The following VASH2 variants were observed in gnomAD, a reference collection of about 807,000 sequenced individuals.
The protein encoded by VASH2 is tubulinyl-Tyr carboxypeptidase 2.
In VASH2, 28 loss-of-function variants were observed where a neutral mutation model predicts 37.2. The observed-to-expected ratio is 0.75, with a 90% CI of 0.56 to 1.03. The LOEUF (loss-of-function observed/expected upper bound fraction) is 1.03. Among genes scored for constraint, VASH2 ranks in the 50% least tolerant of loss-of-function variants. The pLI is 0.00. For missense variants in VASH2, 419 were observed against 459.1 expected, an observed-to-expected ratio of 0.91 and a Z score of 0.80; for synonymous variants, 188 against 174.7, an observed-to-expected ratio of 1.08 and a Z score of -0.60.
intron 3 of VASH2, chr1:212,961,482 T>C (rs1350620801): frequency 1.3e-6 from 1 of 796,978 alleles, no homozygotes. Flanking sequence ...TCTGCTTCTC[T>C]TTCTCCCTCC....
intron 7 of VASH2, among the ~76,000 whole-genome samples, chr1:212,985,337 A>G (rs1366765123): frequency 2.0e-5 from 3 of 148,752 alleles, no homozygotes; most frequent in Non-Finnish European, 4.4e-5. Context: ...CAGCGCACCC[A>G]GCCATGATTC....
chr1:212,960,096 G>A (rs1253328237), intron 2 of VASH2, among the ~76,000 whole-genome samples: 1 of 152,218 alleles, frequency 6.6e-6, no homozygotes, highest in African/African-American at 2.4e-5. Flanking sequence ...TGGCTTTTCA[G>A]CAGCGACTTG....
chr1:212,963,249 A>G (rs1481828573), intron 3 of VASH2, among the ~76,000 whole-genome samples: 2 of 152,174 alleles, frequency 1.3e-5, no homozygotes, highest in African/African-American at 2.4e-5. Flanking sequence ...TGCGAAGGTC[A>G]ATGACCAACA....
At chr1:212,955,747 G>A (rs1207172603) in intron 2 of VASH2, among the ~76,000 whole-genome samples, 1 of 152,244 alleles carries the variant, frequency 6.6e-6, no homozygotes, top group Non-Finnish European at 1.5e-5. Flanking sequence ...AGCTTCACCT[G>A]AGTGAAGACA....
intron 7 of VASH2, among the ~76,000 whole-genome samples, chr1:212,976,013 T>C (rs1472108232): frequency 6.6e-6 from 1 of 152,152 alleles, no homozygotes; most frequent in Non-Finnish European, 1.5e-5. Context: ...AACGTGACCA[T>C]AAATGTGAGG....
At chr1:212,966,960 G>A in intron 5 of VASH2, 1 of 479,720 alleles carries the variant, frequency 2.1e-6, no homozygotes, top group Non-Finnish European at 3.9e-6. Context: ...CAGCAGGCTG[G>A]TCTCAAACTG....
chr1:212,972,062 G>C (rs7518378), intron 5 of VASH2, among the ~76,000 whole-genome samples: 8,652 of 152,234 alleles, frequency 0.057, 767 homozygotes, highest in African/African-American at 0.2. Context: ...AAAAGCTCAG[G>C]TTATATACTC....
In VASH2 at chr1:212,974,033, G is replaced by A. The variant is rs1558149213; in HGVS notation, c.958G>A (p.Ala320Thr). Residue 320 changes from alanine (A) to threonine (T), a missense_variant, in exon 7 of 8, where the codon GCA (alanine) becomes ACA (threonine). Coordinates refer to ENST00000517399, the MANE Select transcript of VASH2 (RefSeq NM_001301056.2). ...GKSLSPRRRQASPPRRLGRRE... is the reference protein window; with the variant it reads ...GKSLSPRRRQTSPPRRLGRRE... ...ATCCCTGTCCCCCAGAAGGAGACAG[G>A]CAAGCCCCCCGAGGAGGCTCGGCCG... 6.2e-7 allele frequency: 1 copy of A among 1,613,734 alleles called. No individual in the cohort carries two copies. Among genetic ancestry groups the A allele is most frequent in the Non-Finnish European group, 8.5e-7 (1 of 1,179,812 alleles).
At chr1:212,968,058 A>C in intron 5 of VASH2, 1 of 333,510 alleles carries the variant, frequency 3.0e-6, no homozygotes, top group Non-Finnish European at 4.3e-6. Flanking sequence ...ATAATGCCAC[A>C]AGGGAAGAAC....
chr1:212,969,129 G>A (rs1482175316), intron 5 of VASH2: 7 of 985,180 alleles, frequency 7.1e-6, no homozygotes, highest in African/African-American at 3.5e-5. Flanking sequence ...TTCAGTTCAC[G>A]CTGCTGAACT....
In VASH2 at chr1:212,959,659, C is replaced by CG. The variant is rs1387741778; in HGVS notation, c.277-1501dup. Reference sequence around the variant, plus strand: ...GCATGGAAAGACCCCGATGCCCAGGCGGGGGGCAGCGTGCCCTCAGCCTCA... The same window carrying CG: ...GCATGGAAAGACCCCGATGCCCAGGCGGGGGGGCAGCGTGCCCTCAGCCTCA... On this transcript the variant is annotated intron_variant, in intron 2 of 7. Coordinates refer to ENST00000517399, the MANE Select transcript of VASH2 (RefSeq NM_001301056.2). Among the ~76,000 whole-genome samples the CG allele has an allele frequency of 2.0e-5, 3 of 152,310 alleles. No individual in the cohort carries two copies. The South Asian group carries it at 6.2e-4, about 32-fold the overall frequency.
At chr1:212,965,214 CCTT>C (rs1490614979) in intron 3 of VASH2, among the ~76,000 whole-genome samples, 2 of 152,110 alleles carry the variant, frequency 1.3e-5, no homozygotes, top group African/African-American at 4.8e-5. Flanking sequence ...CTGCACCTGG[CCTT>C]CTGCCAGGTT....
At chr1:212,977,185 CCAG>C (rs1667203043) in intron 7 of VASH2, among the ~76,000 whole-genome samples, 1 of 60,802 alleles carries the variant, frequency 1.6e-5, no homozygotes, top group African/African-American at 1.0e-4. Flanking sequence ...CTGATGCAGG[CCAG>C]ATTCCTTTAT....
Position 212,967,111 on chromosome 1 carries a change from C to G in VASH2, c.497+766C>G, listed in dbSNP as rs1451448304. The G allele has an allele frequency of 1.7e-5, 22 of 1,304,400 alleles. No individual in the cohort carries two copies. In the East Asian group the frequency reaches 6.1e-4, roughly 36 times the overall value. 80.8% of individuals were successfully genotyped at this position (1,304,400 alleles called of 1,614,324 possible). On this transcript the variant is annotated intron_variant, in intron 5 of 7. Coordinates refer to ENST00000517399, the MANE Select transcript of VASH2 (RefSeq NM_001301056.2). ...GCAGTGGTGGTGTATCCTGACTTGA[C>G]AGAACCCACAGCTAAAACAAGGGTC... is the stretch of plus-strand genomic sequence containing the variant.
Position 212,988,498 on chromosome 1 carries a change from T to C in VASH2, c.996-14T>C, listed in dbSNP as rs781232271. 2 of 1,613,916 alleles carry C rather than the reference T, an allele frequency of 1.2e-6. No individual in the cohort carries two copies. Among genetic ancestry groups the C allele is most frequent in the South Asian group, 2.2e-5 (2 of 91,058 alleles). On this transcript the variant is annotated splice_polypyrimidine_tract_variant and intron_variant, in intron 7 of 7. Coordinates refer to ENST00000517399, the MANE Select transcript of VASH2 (RefSeq NM_001301056.2). Reference sequence around the variant, plus strand: ...TCCCCTCTCCTCCACCATATTTCTGTCTTTTACCCTTAGGCCTGCACTGCC... The same window carrying C: ...TCCCCTCTCCTCCACCATATTTCTGCCTTTTACCCTTAGGCCTGCACTGCC...
intron 7 of VASH2, among the ~76,000 whole-genome samples, chr1:212,984,118 G>A (rs1667410021): frequency 6.6e-6 from 1 of 152,150 alleles, no homozygotes; most frequent in African/African-American, 2.4e-5. Context: ...GTGATTTCCT[G>A]GTACCTGGAA....
chr1:212,970,509 G>A (rs916293987), intron 5 of VASH2, among the ~76,000 whole-genome samples: 3 of 151,970 alleles, frequency 2.0e-5, no homozygotes, highest in Non-Finnish European at 4.4e-5. Context: ...TTTTTATTGT[G>A]GTAAAATATA....
chr1:212,983,459 C>T (rs946448043), intron 7 of VASH2, among the ~76,000 whole-genome samples: 6 of 152,158 alleles, frequency 3.9e-5, no homozygotes, highest in Non-Finnish European at 8.8e-5. Flanking sequence ...CCAAAGTCAT[C>T]CTTTTATAAG....
rs1440040430 is a variant in VASH2 at position 212,971,255 on chromosome 1, A to G, written c.498-1325A>G. On this transcript the variant is annotated intron_variant, in intron 5 of 7. Transcript: ENST00000517399. The surrounding 1 kb of genome is among the most constrained non-coding windows in gnomAD (Gnocchi z 4.0). ...TATTGCAAATGATGCTGTTCAGAGC[A>G]TGGGTGTACAAATACCTGCTGGGGT... 1.3e-5 allele frequency among the ~76,000 whole-genome samples: 2 copies of G among 152,192 alleles called. No homozygotes were observed. Among genetic ancestry groups the G allele is most frequent in the East Asian group, 3.9e-4 (2 of 5,186 alleles).
Sources: gnomAD v4.1 joint callset for allele counts (sites outside exome capture counted in the v4.1 genomes callset) on GRCh38, gnomAD v4.1.1 for gene constraint, Gnocchi (gnomAD v3.1) non-coding constraint, MANE v1.5 for transcripts, NCBI Gene and HGNC (gene_info 2026-07-23, HGNC 2026-07-21) for gene names.